Variants in UBAP2 observed in about 807,000 individuals in gnomAD.
The protein encoded by UBAP2 is ubiquitin associated protein 2.
A neutral mutation model predicts 139.6 loss-of-function variants in UBAP2; 75 were observed. That is an observed-to-expected ratio of 0.54 (90% CI 0.45 to 0.65). The LOEUF (loss-of-function observed/expected upper bound fraction) is 0.65. Among genes scored for constraint, UBAP2 ranks in the 30% least tolerant of loss-of-function variants. The pLI, the probability that UBAP2 is intolerant of heterozygous loss-of-function variation, is 0.00. For synonymous variants in UBAP2, 526 were observed against 526.2 expected, an observed-to-expected ratio of 1.00 and a Z score of 0.01; for missense variants, 1,368 against 1,369.6, an observed-to-expected ratio of 1.00 and a Z score of 0.02.
At chr9:34,008,208 C>T (rs1823405760) in intron 2 of UBAP2, among the ~76,000 whole-genome samples, 1 of 151,412 alleles carries the variant, frequency 6.6e-6, no homozygotes, top group South Asian at 2.1e-4. Context: ...ATCCCAGTTA[C>T]TTGGGAGGCT....
chr9:33,923,954 G>A lies in UBAP2; in HGVS notation c.2637C>T (p.Pro879=), dbSNP rs759028028. 4.6e-5 allele frequency: 75 copies of A among 1,614,090 alleles called. No homozygotes were observed. The highest frequency in any genetic ancestry group is 5.5e-5 in the South Asian group (5 of 91,082). The part of the protein sequence containing the change: ...FGRGDSASPA[P]ATTPAQPQQS... ...GCTGTGGCTGAGCTGGTGTGGTAGC[G>A]GGTGCAGGGGATGCAGAGTCCCCAC... Residue 879 remains proline, a synonymous_variant, in exon 24 of 29, where the codon CCC becomes CCT. Coordinates refer to ENST00000379238, the MANE Select transcript of UBAP2 (RefSeq NM_001370062.2).
At chr9:34,025,109 C>A (rs558943866) in intron 1 of UBAP2, among the ~76,000 whole-genome samples, 132 of 152,212 alleles carry the variant, frequency 8.7e-4, no homozygotes, top group African/African-American at 3.1e-3. Context: ...ATGACTGAGA[C>A]ATGGAAACTA....
intron 1 of UBAP2, among the ~76,000 whole-genome samples, chr9:34,041,405 C>A (rs1186915318): frequency 1.4e-5 from 2 of 142,912 alleles, no homozygotes; most frequent in Admixed American, 7.4e-5. Flanking sequence ...GCAGAGGTTG[C>A]AGTGAGCCAA....
chr9:34,011,759 C>T (rs1006176107), intron 2 of UBAP2: 5 of 488,204 alleles, frequency 1.0e-5, no homozygotes, highest in African/African-American at 8.4e-5. Context: ...TAGTGACATA[C>T]ACTAGGTCAC....
intron 15 of UBAP2, among the ~76,000 whole-genome samples, chr9:33,942,683 A>G (rs913405991): frequency 7.9e-5 from 12 of 151,196 alleles, no homozygotes; most frequent in African/African-American, 2.9e-4. Context: ...CGAGCCAAGC[A>G]TGCTGCTGCA....
chr9:34,026,124 C>G (rs1825380750), intron 1 of UBAP2, among the ~76,000 whole-genome samples: 1 of 152,196 alleles, frequency 6.6e-6, no homozygotes, highest in South Asian at 2.1e-4. Flanking sequence ...CACATTTTAT[C>G]ATTCTGAAAA....
intron 1 of UBAP2, among the ~76,000 whole-genome samples, chr9:34,038,517 G>A (rs1019868027): frequency 1.2e-4 from 18 of 152,218 alleles, no homozygotes; most frequent in South Asian, 2.1e-4. Context: ...GCTGCTAACC[G>A]CGAGTGATCT....
chr9:33,927,128 G>C, intron 20 of UBAP2, 48 bp from the exon 21 acceptor site: 3 of 1,451,048 alleles, frequency 2.1e-6, no homozygotes, highest in Middle Eastern at 1.8e-4. Context: ...ACCACAAAGA[G>C]TGAGAGTCCT....
chr9:33,989,141 G>T lies in UBAP2; in HGVS notation c.289-15C>A. On this transcript the variant is annotated splice_polypyrimidine_tract_variant and intron_variant, in intron 4 of 28. Coordinates refer to ENST00000379238, the MANE Select transcript of UBAP2 (RefSeq NM_001370062.2). ...TCCCATGAAGTCTATCAGAGAGAAC[G>T]GCTGTTAATCATTTATCATTCAAAG... 1.9e-6 allele frequency: 3 copies of T among 1,590,024 alleles called. No homozygotes were observed. The highest frequency in any genetic ancestry group is 2.6e-6 in the Non-Finnish European group (3 of 1,172,554).
chr9:34,038,408 A>T (rs925326972), intron 1 of UBAP2, among the ~76,000 whole-genome samples: 5 of 152,166 alleles, frequency 3.3e-5, no homozygotes, highest in African/African-American at 4.8e-5. Flanking sequence ...TCGGCCTGCC[A>T]AGTGCCTGCG....
intron 8 of UBAP2, among the ~76,000 whole-genome samples, chr9:33,964,917 T>A (rs1827332891): frequency 6.6e-6 from 1 of 152,182 alleles, no homozygotes; most frequent in Non-Finnish European, 1.5e-5. Context: ...TCACCAGCAC[T>A]TGGAATTTTT....
chr9:34,016,370 C>CGGCGGCGGCGGCGGCGGTGGTGGT (rs1321174650), intron 2 of UBAP2, among the ~76,000 whole-genome samples: 90 of 93,730 alleles, frequency 9.6e-4, no homozygotes, highest in African/African-American at 4.0e-3. Flanking sequence ...GCGGCAGCGG[C>CGGCGGCGGCGGCGGCGGTGGTGGT]GGTGGTGGTG....
intron 8 of UBAP2, among the ~76,000 whole-genome samples, chr9:33,969,606 C>T (rs940556573): frequency 2.0e-5 from 3 of 150,748 alleles, no homozygotes; most frequent in African/African-American, 7.3e-5. Flanking sequence ...GTGGCTTACG[C>T]CTATAATCCC....
intron 11 of UBAP2, 90 bp downstream of exon 11, chr9:33,955,989 A>G: frequency 9.8e-7 from 1 of 1,019,388 alleles, no homozygotes; most frequent in Non-Finnish European, 1.5e-6. Flanking sequence ...AAAAAATAGA[A>G]AGAGACCCAA....
intron 1 of UBAP2, among the ~76,000 whole-genome samples, chr9:34,036,606 T>C (rs180868278): frequency 6.6e-4 from 100 of 152,286 alleles, no homozygotes; most frequent in Non-Finnish European, 1.4e-3. Flanking sequence ...CAACTGAAGA[T>C]CAGGAACCTA....
intron 12 of UBAP2, among the ~76,000 whole-genome samples, chr9:33,949,949 C>T (rs1290991586): frequency 1.3e-5 from 2 of 152,106 alleles, no homozygotes; most frequent in Admixed American, 6.5e-5. Flanking sequence ...CCTGTCAGGT[C>T]GAGATCCAAA....
At chr9:33,965,781 G>GCCCGGGATTA (rs1411470077) in intron 8 of UBAP2, among the ~76,000 whole-genome samples, 1 of 146,054 alleles carries the variant, frequency 6.8e-6, no homozygotes, top group Non-Finnish European at 1.5e-5. Context: ...GGGTGCGGTG[G>GCCCGGGATTA]CTCACACCTG....
chr9:33,924,379 G>A (rs1823239220), intron 22 of UBAP2, 95 bp from the exon 23 acceptor site: 1 of 1,210,126 alleles, frequency 8.3e-7, no homozygotes, highest in Non-Finnish European at 1.2e-6. Flanking sequence ...CCACACTCCT[G>A]AAACAGACTC....
intron 1 of UBAP2, among the ~76,000 whole-genome samples, chr9:34,034,734 G>A (rs1826177202): frequency 6.6e-6 from 1 of 152,070 alleles, no homozygotes; most frequent in Admixed American, 6.6e-5. Flanking sequence ...TTAGCCAGGT[G>A]TAGTGGCATG....
Sources: allele counts gnomAD v4.1 joint callset (sites outside exome capture counted in the v4.1 genomes callset), GRCh38; gene constraint gnomAD v4.1.1; transcripts MANE v1.5; gene names NCBI Gene and HGNC (gene_info 2026-07-23, HGNC 2026-07-21).